PDE4D: variants seen among roughly 807,000 people sequenced by gnomAD.
PDE4D encodes 3',5'-cyclic-AMP phosphodiesterase 4D.
In PDE4D, 24 loss-of-function variants were observed where a neutral mutation model predicts 87.4. That is an observed-to-expected ratio of 0.27 (90% CI 0.20 to 0.39). The LOEUF (loss-of-function observed/expected upper bound fraction) is 0.39, where lower values mean the gene tolerates loss of function less well. PDE4D is among the 10% of genes least tolerant of loss of function. PDE4D has a pLI of 1.00. For synonymous variants in PDE4D, 384 were observed against 383.2 expected, an observed-to-expected ratio of 1.00 and a Z score of -0.02; for missense variants, 714 against 1,041.0, an observed-to-expected ratio of 0.69 and a Z score of 4.32.
At chr5:59,373,763 C>T (rs1305665302) in intron 1 of PDE4D, among the ~76,000 whole-genome samples, 2 of 152,070 alleles carry the variant, frequency 1.3e-5, no homozygotes, top group East Asian at 1.9e-4. Context: ...TCAAAGAAAA[C>T]ATGTTAAAGG....
chr5:60,428,575 A>G (rs1416199353), intron 1 of PDE4D, among the ~76,000 whole-genome samples: 3 of 152,234 alleles, frequency 2.0e-5, no homozygotes, highest in Non-Finnish European at 4.4e-5. Context: ...AAAATGGCAT[A>G]TGAAAAATAC....
chr5:60,186,436 C>A (rs1160417787), intron 1 of PDE4D, among the ~76,000 whole-genome samples: 1 of 152,116 alleles, frequency 6.6e-6, no homozygotes, highest in Non-Finnish European at 1.5e-5. Context: ...GAAGAAAGAA[C>A]AAATCGAATA....
intron 5 of PDE4D, among the ~76,000 whole-genome samples, chr5:59,105,159 G>A (rs761130969): frequency 1.2e-4 from 19 of 152,120 alleles, no homozygotes; most frequent in Non-Finnish European, 2.6e-4. Flanking sequence ...GGATAGTCTG[G>A]TATATACACC....
At chr5:59,475,721 G>C (rs561275150) in intron 1 of PDE4D, among the ~76,000 whole-genome samples, 4 of 152,044 alleles carry the variant, frequency 2.6e-5, no homozygotes, top group Admixed American at 1.3e-4. Context: ...GCTTTTTTAG[G>C]CTTTCAGAAT....
chr5:60,517,325 G>A (rs557390886), intron 1 of PDE4D, among the ~76,000 whole-genome samples: 1 of 152,342 alleles, frequency 6.6e-6, no homozygotes, highest in Admixed American at 6.5e-5. Flanking sequence ...GATGGCAGCG[G>A]GAGGCAGACG....
intron 1 of PDE4D, among the ~76,000 whole-genome samples, chr5:60,427,888 A>G (rs892142929): frequency 6.6e-5 from 10 of 152,108 alleles, no homozygotes; most frequent in Non-Finnish European, 1.3e-4. Context: ...CCTGGGCAAT[A>G]TAGTGAGACT....
intron 1 of PDE4D, among the ~76,000 whole-genome samples, chr5:60,235,631 C>A (rs555247463): frequency 6.6e-6 from 1 of 151,846 alleles, no homozygotes; most frequent in African/African-American, 2.4e-5. Flanking sequence ...CCTAGTTCAG[C>A]CCTCTCAGTT....
chr5:59,141,211 A>G (rs1777839244), intron 5 of PDE4D, among the ~76,000 whole-genome samples: 2 of 152,344 alleles, frequency 1.3e-5, no homozygotes, highest in South Asian at 4.1e-4. Context: ...TTACATAATA[A>G]AAATATTTCA....
intron 5 of PDE4D, among the ~76,000 whole-genome samples, chr5:59,050,128 A>G (rs1761311154): frequency 6.6e-6 from 1 of 152,120 alleles, no homozygotes; most frequent in Admixed American, 6.5e-5. Flanking sequence ...TTAGCCACGC[A>G]TGGTGGCGGG....
At chr5:60,244,312 A>G (rs1015244329) in intron 1 of PDE4D, among the ~76,000 whole-genome samples, 5 of 152,008 alleles carry the variant, frequency 3.3e-5, no homozygotes, top group African/African-American at 1.2e-4. Flanking sequence ...ACACAAAAAG[A>G]TGGAACGATA....
chr5:60,339,355 C>T (rs1460688257), intron 1 of PDE4D, among the ~76,000 whole-genome samples: 12 of 152,076 alleles, frequency 7.9e-5, no homozygotes, highest in African/African-American at 2.4e-4. Context: ...GCTAATGAGA[C>T]GGCTACTAAG....
intron 2 of PDE4D, among the ~76,000 whole-genome samples, chr5:60,010,247 G>A (rs1707661841): frequency 1.3e-5 from 2 of 152,064 alleles, no homozygotes; most frequent in Admixed American, 1.3e-4. Flanking sequence ...CTCATTTGTA[G>A]AACAGGCATG....
intron 1 of PDE4D, among the ~76,000 whole-genome samples, chr5:60,505,078 G>T (rs1268939087): frequency 6.6e-6 from 1 of 152,204 alleles, no homozygotes; most frequent in Non-Finnish European, 1.5e-5. Flanking sequence ...AGCATTTCTT[G>T]TGAAGGGGGC....
chr5:59,759,332 A>G (rs942194004), intron 1 of PDE4D, among the ~76,000 whole-genome samples: 1 of 152,202 alleles, frequency 6.6e-6, no homozygotes, highest in African/African-American at 2.4e-5. Context: ...CAAGTTTGCA[A>G]GAAAGACCAT....
At chr5:60,440,416 T>C (rs975624620) in intron 1 of PDE4D, among the ~76,000 whole-genome samples, 55 of 152,206 alleles carry the variant, frequency 3.6e-4, no homozygotes, top group African/African-American at 1.3e-3. Flanking sequence ...TCGTGTGTAA[T>C]TAAACTAAGC....
chr5:60,174,242 A>C (rs75031035), intron 2 of PDE4D, among the ~76,000 whole-genome samples: 2,967 of 152,266 alleles, frequency 0.019, 93 homozygotes, highest in African/African-American at 0.068. Flanking sequence ...AAAATATTAC[A>C]TGGGCCAATG....
chr5:59,000,159 A>T (rs1750194677), intron 6 of PDE4D, among the ~76,000 whole-genome samples: 1 of 152,214 alleles, frequency 6.6e-6, no homozygotes, highest in South Asian at 2.1e-4. Context: ...AGAAAAGATG[A>T]ACGGGGCTTC....
In PDE4D at chr5:59,432,872, G is replaced by A. The variant is rs188424003; in HGVS notation, c.456-216904C>T. ...AATAGTAAATAATTTTTATTAATTTGCATAATTATGAAGAGAATAAATATA... is the reference window on the plus strand; with the variant it reads ...AATAGTAAATAATTTTTATTAATTTACATAATTATGAAGAGAATAAATATA... On this transcript the variant is annotated intron_variant, in intron 1 of 14. Coordinates refer to ENST00000340635, the MANE Select transcript of PDE4D (RefSeq NM_001104631.2). Among the ~76,000 whole-genome samples, 47 of 152,154 alleles carry A rather than the reference G, an allele frequency of 3.1e-4. No individual in the cohort carries two copies. In the East Asian group the frequency reaches 8.9e-3, roughly 29 times the overall value.
chr5:59,066,282 A>C (rs1763915733), intron 5 of PDE4D, among the ~76,000 whole-genome samples: 1 of 152,014 alleles, frequency 6.6e-6, no homozygotes, highest in East Asian at 1.9e-4. Flanking sequence ...AGAGAGAGGC[A>C]CTCTTAGTCT....
Sources: gnomAD v4.1 joint callset for allele counts (sites outside exome capture counted in the v4.1 genomes callset) on GRCh38, gnomAD v4.1.1 for gene constraint, MANE v1.5 for transcripts, NCBI Gene and HGNC (gene_info 2026-07-23, HGNC 2026-07-21) for gene names.